Variants in DSEL observed in about 807,000 individuals in gnomAD.
DSEL encodes the protein dermatan-sulfate epimerase-like protein.
DSEL carries 61 observed loss-of-function variants against 96.6 expected under a neutral mutation model. The ratio of observed to expected loss-of-function variants is 0.63; its 90% CI spans 0.51 to 0.78. The LOEUF (loss-of-function observed/expected upper bound fraction) is 0.78. Ranked by LOEUF, DSEL falls within the 30% of genes least tolerant of loss-of-function variation. The pLI is 0.00. For synonymous variants in DSEL, 514 were observed against 502.0 expected, an observed-to-expected ratio of 1.02 and a Z score of -0.32; for missense variants, 1,320 against 1,430.8, an observed-to-expected ratio of 0.92 and a Z score of 1.25.
Position 67,511,835 on chromosome 18 carries a change from G to T in DSEL, c.2774C>A (p.Ser925Tyr). Residue 925 changes from serine to tyrosine, a missense_variant, in exon 2 of 2, where the codon TCT (serine) becomes TAT (tyrosine). Ser to Tyr is a moderately radical substitution (Grantham distance 144). Coordinates refer to ENST00000310045, the MANE Select transcript of DSEL (RefSeq NM_032160.3). ...HFRLLRGWLQ[S>Y]LVQDTKLHLQ... ...ATGTAATTTTGTGTCCTGGACTAAAGACTGCAACCAGCCTCGGAGTAAACG... is the reference window on the plus strand; with the variant it reads ...ATGTAATTTTGTGTCCTGGACTAAATACTGCAACCAGCCTCGGAGTAAACG... 1 of 1,614,168 alleles carries T rather than the reference G, an allele frequency of 6.2e-7. No individual in the cohort carries two copies. Among genetic ancestry groups the T allele is most frequent in the Non-Finnish European group, 8.5e-7 (1 of 1,180,034 alleles).
chr18:67,511,524 T>C lies in DSEL; in HGVS notation c.3085A>G (p.Ile1029Val), dbSNP rs771755291. 1 of 1,613,864 alleles carries C rather than the reference T, an allele frequency of 6.2e-7. No homozygotes were observed. The highest frequency in any genetic ancestry group is 8.5e-7 in the Non-Finnish European group (1 of 1,180,014). ...ATCCATGCCCGAGGGTCTCTTACTA[T>C]GTACAATGCCCTCATCGAAGCTCCT... ...VLGASMRALYIVRDPRAWIYS... is the reference protein window; with the variant it reads ...VLGASMRALYVVRDPRAWIYS... The change falls in exon 2 of 2, where the codon ATA becomes GTA. Residue 1029 changes from isoleucine (I) to valine (V), a missense_variant. Physicochemically the swap from Ile to Val is conservative, Grantham distance 29. Around this residue, in one of 3 missense-constraint regions of DSEL, gnomAD observed 986 missense variants for 1,066.4 expected, o/e 0.92. Coordinates refer to ENST00000310045, the MANE Select transcript of DSEL (RefSeq NM_032160.3).
In DSEL at chr18:67,511,117, G is replaced by A. The variant is rs924490321; in HGVS notation, c.3492C>T (p.Asn1164=). The change falls in exon 2 of 2, where the codon AAC becomes AAT. Residue 1164 remains asparagine, a synonymous_variant. Transcript: ENST00000310045. ...CCCCTTCATAGGGAAGGTAAAAAAGGTTTGTAGAGGTGGCAAACAATATTT... is the reference window on the plus strand; with the variant it reads ...CCCCTTCATAGGGAAGGTAAAAAAGATTTGTAGAGGTGGCAAACAATATTT... The part of the protein sequence containing the change: ...LNQILFATST[N]LFYLPYEGEI... The A allele has an allele frequency of 1.2e-6, 2 of 1,614,182 alleles. No homozygotes were observed. The highest frequency in any genetic ancestry group is 2.2e-5 in the South Asian group (2 of 91,072).
In DSEL at chr18:67,513,944, T is replaced by C; in HGVS notation, c.665A>G (p.His222Arg). ...KVRSWGKQLL[H>R]NHQATNMIAL... is the part of the protein sequence containing the mutation. ...TATCATATTAGTGGCTTGGTGGTTA[T>C]GGAGAAGCTGTTTGCCCCATGAGCG... The change falls in exon 2 of 2, where the codon CAT (histidine) becomes CGT (arginine). Residue 222 changes from histidine (H) to arginine (R), a missense_variant. His to Arg is a conservative substitution (Grantham distance 29). Coordinates refer to ENST00000310045, the MANE Select transcript of DSEL (RefSeq NM_032160.3). The C allele has an allele frequency of 1.9e-6, 3 of 1,614,228 alleles. No homozygotes were observed. Among genetic ancestry groups the C allele is most frequent in the Non-Finnish European group, 2.5e-6 (3 of 1,180,028 alleles).
chr18:67,514,038 G>A lies in DSEL; in HGVS notation c.571C>T (p.His191Tyr). The change falls in exon 2 of 2, where the codon CAT becomes TAT. Residue 191 changes from histidine (H) to tyrosine (Y), a missense_variant. Around this residue, in one of 3 missense-constraint regions of DSEL, gnomAD observed 323 missense variants for 333.1 expected, o/e 0.97. Coordinates refer to ENST00000310045, the MANE Select transcript of DSEL (RefSeq NM_032160.3). ...FDFLYNLLDN[H>Y]RRQKYLEKIW... The stretch of plus-strand genomic sequence containing the variant: ...TTTTCCAGGTATTTTTGTCTTCGAT[G>A]ATTATCTAATAAGTTATATAAAAAG... 2 of 1,614,062 alleles carry A rather than the reference G, an allele frequency of 1.2e-6. No homozygotes were observed. Among genetic ancestry groups the A allele is most frequent in the South Asian group, 2.2e-5 (2 of 91,082 alleles).
Position 67,514,467 on chromosome 18 carries a change from G to C in DSEL, c.142C>G (p.Gln48Glu). 1 of 1,614,080 alleles carries C rather than the reference G, an allele frequency of 6.2e-7. No homozygotes were observed. The highest frequency in any genetic ancestry group is 8.5e-7 in the Non-Finnish European group (1 of 1,180,004). The change falls in exon 2 of 2, where the codon CAA becomes GAA. Residue 48 changes from glutamine (Q) to glutamate (E), a missense_variant. By Grantham distance (29) the Gln-to-Glu change is conservative (BLOSUM62 2). Transcript: ENST00000310045. Reference protein sequence around the residue: ...DIDQFKTQKVQDFRPNQKLKK... With the variant: ...DIDQFKTQKVEDFRPNQKLKK... ...AGCTTTTGGTTGGGTCTGAAATCTT[G>C]CACTTTCTGTGTTTTAAACTGATCT...
Position 67,510,767 on chromosome 18 carries a change from G to C in DSEL, c.*203C>G, listed in dbSNP as rs2089436719. ...ACAAAATTTTCAGAAACAAAGGCAA[G>C]GGAGGTGATGACATAAAAATAAATC... On this transcript the variant is annotated 3_prime_UTR_variant, in exon 2 of 2. Coordinates refer to ENST00000310045, the MANE Select transcript of DSEL (RefSeq NM_032160.3). The C allele has an allele frequency of 2.1e-6, 1 of 486,594 alleles. No individual in the cohort carries two copies. The highest frequency in any genetic ancestry group is 3.2e-5 in the East Asian group (1 of 30,956). The allele number at this position is 486,594 out of a possible 1,614,324, so 30.1% of individuals were successfully genotyped here. A position where few individuals can be genotyped will look rare whatever the true frequency, so the allele number is the denominator to read the frequency against.
chr18:67,513,602 C>A lies in DSEL; in HGVS notation c.1007G>T (p.Trp336Leu). 2 of 1,614,080 alleles carry A rather than the reference C, an allele frequency of 1.2e-6. No individual in the cohort carries two copies. The highest frequency in any genetic ancestry group is 2.7e-5 in the African/African-American group (2 of 74,988). Residue 336 changes from tryptophan to leucine, a missense_variant, in exon 2 of 2, where the codon TGG becomes TTG. By Grantham distance (61) the Trp-to-Leu change is moderately conservative. This residue lies in a region of DSEL where 986 missense variants were observed against 1,066.4 expected (regional missense o/e 0.92). Transcript: ENST00000310045. ...TAGCTGGCTTTCTGGACCATAAAAC[C>A]AATTATAATTGGAATCTGCTATACC... ...TVGIADSNYN[W>L]FYGPESQLVF...
rs899049150 is a variant in DSEL at position 67,509,912 on chromosome 18, C to G, written c.*1058G>C. 1 of 152,620 alleles carries G rather than the reference C, an allele frequency of 6.6e-6. No homozygotes were observed. Among genetic ancestry groups the G allele is most frequent in the African/African-American group, 2.4e-5 (1 of 41,434 alleles). 9.5% of individuals were successfully genotyped at this position (152,620 alleles called of 1,614,324 possible). On this transcript the variant is annotated 3_prime_UTR_variant, in exon 2 of 2. Transcript: ENST00000310045. Reference sequence around the variant, plus strand: ...ATCTCCCATTTGCTTTCAACTTTTGCAGACACTGGCAGTCTGTAAACTCAT... The same window carrying G: ...ATCTCCCATTTGCTTTCAACTTTTGGAGACACTGGCAGTCTGTAAACTCAT...
In DSEL at chr18:67,509,637, C is replaced by T. The variant is rs1430748649; in HGVS notation, c.*1333G>A. ...TTATCTAGGTCAGAATGACAGACTT[C>T]CAAGTGTTAGAGAGCTTGGGGGAAC... On this transcript the variant is annotated 3_prime_UTR_variant, in exon 2 of 2. Coordinates refer to ENST00000310045, the MANE Select transcript of DSEL (RefSeq NM_032160.3). 2 of 152,144 alleles carry T rather than the reference C, an allele frequency of 1.3e-5. No individual in the cohort carries two copies. Among genetic ancestry groups the T allele is most frequent in the Admixed American group, 1.3e-4 (2 of 15,282 alleles). The allele number at this position is 152,144 out of a possible 1,614,324, so 9.4% of individuals were successfully genotyped here.
Position 67,513,524 on chromosome 18 carries a change from T to G in DSEL, c.1085A>C (p.Gln362Pro), listed in dbSNP as rs756309703. ...LKNGAGNWLA[Q>P]QIRKHRPKDG... is the part of the protein sequence containing the mutation. ...TTTAGGTCGGTGCTTTCTAATTTGC[T>G]GAGCTAACCAATTTCCAGCTCCATT... The change falls in exon 2 of 2, where the codon CAG becomes CCG. Residue 362 changes from glutamine (Q) to proline (P), a missense_variant. Around this residue, in one of 3 missense-constraint regions of DSEL, gnomAD observed 986 missense variants for 1,066.4 expected, o/e 0.92. Coordinates refer to ENST00000310045, the MANE Select transcript of DSEL (RefSeq NM_032160.3). 6.2e-7 allele frequency: 1 copy of G among 1,614,224 alleles called. No homozygotes were observed. Among genetic ancestry groups the G allele is most frequent in the Non-Finnish European group, 8.5e-7 (1 of 1,180,046 alleles).
At position 67,513,258 on chromosome 18, in the gene DSEL, AATG is replaced by A; in HGVS notation, c.1348_1350del (p.His450del). 1 of 1,614,186 alleles carries A rather than the reference AATG, an allele frequency of 6.2e-7. No individual in the cohort carries two copies. Among genetic ancestry groups the A allele is most frequent in the Non-Finnish European group, 8.5e-7 (1 of 1,180,036 alleles). On this transcript the variant is annotated inframe_deletion, in exon 2 of 2. Transcript: ENST00000310045. Reference sequence around the variant, plus strand: ...CCATCAATCCAGGAATATGGCTGAAAATGAACTATGTCATACACAGCTCGTCCC... The same window carrying A: ...CCATCAATCCAGGAATATGGCTGAAAAACTATGTCATACACAGCTCGTCCC...
chr18:67,513,743 T>C lies in DSEL; in HGVS notation c.866A>G (p.Gln289Arg), dbSNP rs1250205121. 4 of 1,614,080 alleles carry C rather than the reference T, an allele frequency of 2.5e-6. No homozygotes were observed. The highest frequency in any genetic ancestry group is 2.5e-6 in the Non-Finnish European group (3 of 1,180,040). ...ATGGCGCTGGGCCAGAAAAACATAC[T>C]GTGTGACGGATTTAGCTGTGTAGCT... is the stretch of plus-strand genomic sequence containing the variant. ...YGSYTAKSVT[Q>R]YVFLAQRHFN... Residue 289 changes from glutamine (Q) to arginine (R), a missense_variant, in exon 2 of 2, where the codon CAG (glutamine) becomes CGG (arginine). Physicochemically the swap from Gln to Arg is conservative, Grantham distance 43 (BLOSUM62 1). This residue lies in a region of DSEL where 11 missense variants were observed against 31.2 expected (regional missense o/e 0.35). Transcript: ENST00000310045.
chr18:67,510,817 T>C lies in DSEL; in HGVS notation c.*153A>G. On this transcript the variant is annotated 3_prime_UTR_variant, in exon 2 of 2. Coordinates refer to ENST00000310045, the MANE Select transcript of DSEL (RefSeq NM_032160.3). ...CCTGCTAGGCCAAATATGGTGCCAT[T>C]TTTTAAAACAATCTCTCTGTGCAAA... 1 of 587,572 alleles carries C rather than the reference T, an allele frequency of 1.7e-6. No individual in the cohort carries two copies. 36.4% of individuals were successfully genotyped at this position (587,572 alleles called of 1,614,324 possible). A position where few individuals can be genotyped will look rare whatever the true frequency, so the allele number is the denominator to read the frequency against.
rs1389153894 is a variant in DSEL at position 67,510,895 on chromosome 18, C to G, written c.*75G>C. ...ACACACACACACACTAAAGAATAAA[C>G]AAACTCTTCTGATTCATATCCACAA... is the stretch of plus-strand genomic sequence containing the variant. On this transcript the variant is annotated 3_prime_UTR_variant, in exon 2 of 2. Transcript: ENST00000310045. 3.9e-6 allele frequency: 5 copies of G among 1,274,024 alleles called. No individual in the cohort carries two copies. The Admixed American group carries it at 1.2e-4, about 30-fold the overall frequency. The allele number at this position is 1,274,024 out of a possible 1,614,324, so 78.9% of individuals were successfully genotyped here.
At position 67,513,054 on chromosome 18, in the gene DSEL, G is replaced by C; in HGVS notation, c.1555C>G (p.Leu519Val). The C allele has an allele frequency of 6.2e-7, 1 of 1,614,158 alleles. No homozygotes were observed. The highest frequency in any genetic ancestry group is 1.1e-5 in the South Asian group (1 of 91,082). ...SQCNKPWEGQLGECAQWLKWT... is the reference protein window; with the variant it reads ...SQCNKPWEGQVGECAQWLKWT... ...TTAAGCCACTGCGCACATTCTCCCA[G>C]TTGACCTTCCCAGGGCTTATTACAC... Residue 519 changes from leucine to valine, a missense_variant, in exon 2 of 2, where the codon CTG becomes GTG. By Grantham distance (32) the Leu-to-Val change is conservative. Coordinates refer to ENST00000310045, the MANE Select transcript of DSEL (RefSeq NM_032160.3).
rs78977585 is a variant in DSEL, at chr18:67,512,892, A to C, written c.1717T>G (p.Leu573Val). ...AGAGTTTGGGAATTTAAGAGAAGCAAAGCACGATATACACTTTTCAGTCTC... is the reference window on the plus strand; with the variant it reads ...AGAGTTTGGGAATTTAAGAGAAGCACAGCACGATATACACTTTTCAGTCTC... ...AMRLKSVYRA[L>V]LLLNSQTLLV... The change falls in exon 2 of 2, where the codon TTG becomes GTG. Residue 573 changes from leucine to valine, a missense_variant. Transcript: ENST00000310045. 8.0e-5 allele frequency: 129 copies of C among 1,614,196 alleles called. No homozygotes were observed. In the African/African-American group the frequency reaches 1.6e-3, roughly 20 times the overall value.
chr18:67,513,073 ATTACACTGGC>A lies in DSEL; in HGVS notation c.1526_1535del (p.Ser509IlefsTer29). 1 of 1,614,174 alleles carries A rather than the reference ATTACACTGGC, an allele frequency of 6.2e-7. No homozygotes were observed. On this transcript the variant is annotated frameshift_variant, in exon 2 of 2. Transcript: ENST00000310045. LOFTEE classifies it high-confidence loss of function. ...CTCCCAGTTGACCTTCCCAGGGCTTATTACACTGGCTTGAGGGTGATGGAGCAAACACCAA... is the reference window on the plus strand; with the variant it reads ...CTCCCAGTTGACCTTCCCAGGGCTTATTGAGGGTGATGGAGCAAACACCAA...
chr18:67,511,001 T>C lies in DSEL; in HGVS notation c.3608A>G (p.Asp1203Gly). Residue 1203 changes from aspartate (D) to glycine (G), a missense_variant, in exon 2 of 2, where the codon GAT (aspartate) becomes GGT (glycine). Asp to Gly is a moderately conservative substitution (Grantham distance 94). This residue lies in a region of DSEL where 986 missense variants were observed against 1,066.4 expected (regional missense o/e 0.92). Transcript: ENST00000310045. Reference sequence around the variant, plus strand: ...CATAAACTTTGGATATCCTAGGCGATCCATCAGAGTCCAGCAGATGTTTTC... The same window carrying C: ...CATAAACTTTGGATATCCTAGGCGACCCATCAGAGTCCAGCAGATGTTTTC... ...LIENICWTLM[D>G]RLGYPKFMD is the part of the protein sequence containing the mutation. The C allele has an allele frequency of 6.2e-7, 1 of 1,601,864 alleles. No individual in the cohort carries two copies. The highest frequency in any genetic ancestry group is 8.5e-7 in the Non-Finnish European group (1 of 1,175,264).
At position 67,506,697 on chromosome 18, in the gene DSEL, T is replaced by C. The variant is rs531493896; in HGVS notation, c.*4273A>G. ...TCCAGTGCTGCATAACTAGATAACG[T>C]ATGAAGGAAAAACGACGACGAACAA... On this transcript the variant is annotated 3_prime_UTR_variant, in exon 2 of 2. Transcript: ENST00000310045. The C allele has an allele frequency of 6.6e-6, 1 of 152,046 alleles. No individual in the cohort carries two copies. The highest frequency in any genetic ancestry group is 2.4e-5 in the African/African-American group (1 of 41,472). 9.4% of individuals were successfully genotyped at this position (152,046 alleles called of 1,614,324 possible).
Sources: allele counts gnomAD v4.1 joint callset, GRCh38; gene constraint gnomAD v4.1.1; regional missense constraint gnomAD v4.1.1; transcripts MANE v1.5; gene names NCBI Gene and HGNC (gene_info 2026-07-23, HGNC 2026-07-21).